The following ZNF365 variants were observed in gnomAD, a reference collection of about 807,000 sequenced individuals.
ZNF365 encodes the protein protein ZNF365.
ZNF365 carries 22 observed loss-of-function variants against 35.0 expected under a neutral mutation model. That is an observed-to-expected ratio of 0.63 (90% CI 0.45 to 0.90). The LOEUF is 0.90. ZNF365 is among the 40% of genes least tolerant of loss of function. The probability of loss-of-function intolerance (pLI) is 0.00; values close to 1 mark genes in which losing one functional copy is unlikely to be tolerated. For missense variants in ZNF365, 448 were observed against 500.3 expected (o/e 0.90, Z 1.00); for synonymous variants, 188 against 196.2 (o/e 0.96, Z 0.35).
At chr10:62,455,981 C>T (rs1000883463) in intron 3 of ZNF365, among the ~76,000 whole-genome samples, 2 of 152,128 alleles carry the variant, frequency 1.3e-5, no homozygotes, top group African/African-American at 4.8e-5. Flanking sequence ...TTGTTTGATT[C>T]ATTGACTTTA....
At chr10:62,452,655 T>G (rs1043332022) in intron 3 of ZNF365, among the ~76,000 whole-genome samples, 5 of 152,250 alleles carry the variant, frequency 3.3e-5, no homozygotes, top group African/African-American at 1.2e-4. Context: ...AGAAGGCAGT[T>G]TTGGCCTGAA....
intron 3 of ZNF365, among the ~76,000 whole-genome samples, chr10:62,416,137 G>A (rs1009101004): frequency 1.3e-5 from 2 of 151,698 alleles, no homozygotes; most frequent in Non-Finnish European, 2.9e-5. Flanking sequence ...CTATTTCTTA[G>A]ATTGCCCTCA....
chr10:62,377,840 A>G (rs12355770), intron 2 of ZNF365, among the ~76,000 whole-genome samples: 86,660 of 152,038 alleles, frequency 0.57, 26,049 homozygotes, highest in East Asian at 0.78. Flanking sequence ...AAACATCCTA[A>G]AAGGTAGGTT....
chr10:62,404,162 G>T (rs528291458), downstream of ZNF365, among the ~76,000 whole-genome samples: 27 of 152,238 alleles, frequency 1.8e-4, no homozygotes, highest in African/African-American at 6.5e-4. Flanking sequence ...TCACATATAG[G>T]CAGGCTAGAT....
intron 4 of ZNF365, among the ~76,000 whole-genome samples, chr10:62,479,022 ACATGTTTAATTT>A (rs1432825896): frequency 6.6e-6 from 1 of 152,232 alleles, no homozygotes; most frequent in East Asian, 1.9e-4. Context: ...GCCTCTCTAG[ACATGTTTAATTT>A]CTAGTACCTT....
intron 3 of ZNF365, among the ~76,000 whole-genome samples, chr10:62,422,768 A>C (rs541474142): frequency 6.6e-6 from 1 of 152,284 alleles, no homozygotes; most frequent in South Asian, 2.1e-4. Flanking sequence ...TATCTCATCC[A>C]CCAAACCTTA....
chr10:62,479,816 T>A (rs1270419647), intron 4 of ZNF365: 1 of 1,181,068 alleles, frequency 8.5e-7, no homozygotes, highest in Non-Finnish European at 1.3e-6. Context: ...TTGACTATTG[T>A]TGCTGGCACC....
chr10:62,398,778 G>A lies in ZNF365; in HGVS notation c.962+1G>A. ...CCTCAAATAGGAAGCCCAAATGCCTGTATGTATGTATTTTTATACTTGGGC... is the reference window on the plus strand; with the variant it reads ...CCTCAAATAGGAAGCCCAAATGCCTATATGTATGTATTTTTATACTTGGGC... On this transcript the variant is annotated splice_donor_variant, in intron 4 of 4. Transcript: ENST00000395254. LOFTEE classifies it high-confidence loss of function. 1 of 1,610,822 alleles carries A rather than the reference G, an allele frequency of 6.2e-7. No individual in the cohort carries two copies. The highest frequency in any genetic ancestry group is 8.5e-7 in the Non-Finnish European group (1 of 1,178,712).
At chr10:62,434,957 GACCCTCTGGATA>G (rs1213154108) in intron 3 of ZNF365, among the ~76,000 whole-genome samples, 7 of 152,148 alleles carry the variant, frequency 4.6e-5, no homozygotes, top group Non-Finnish European at 2.9e-5. Flanking sequence ...CACTGTTTCA[GACCCTCTGGATA>G]CAGCAATGAA....
Position 62,401,038 on chromosome 10 carries a change from C to T in ZNF365, c.*1249C>T, listed in dbSNP as rs527900966. ...AGAATGAATTTCCATGTTATTTTTT[C>T]CTTAAATTTAGCAATATCATCAGGT... On this transcript the variant is annotated 3_prime_UTR_variant, in exon 5 of 5. Transcript: ENST00000395254. The T allele has an allele frequency of 3.0e-5, 30 of 985,394 alleles. No individual in the cohort carries two copies. The South Asian group carries it at 1.3e-3, about 42-fold the overall frequency. 61.0% of individuals were successfully genotyped at this position (985,394 alleles called of 1,614,324 possible).
rs750454816 is a variant in ZNF365 at position 62,388,596 on chromosome 10, C to G, written c.924+20C>G. ...CACGTGGTGAGTCACCCCGGGCCAG[C>G]CACCGAGTGTAAGATCCCTGTGGTT... On this transcript the variant is annotated intron_variant, in intron 3 of 4. Transcript: ENST00000395254. 10 of 1,612,258 alleles carry G rather than the reference C, an allele frequency of 6.2e-6. No homozygotes were observed. Among genetic ancestry groups the G allele is most frequent in the South Asian group, 1.1e-5 (1 of 91,018 alleles).
chr10:62,474,381 A>G (rs1841093757), intron 4 of ZNF365, among the ~76,000 whole-genome samples: 1 of 151,904 alleles, frequency 6.6e-6, no homozygotes, highest in Admixed American at 6.6e-5. Flanking sequence ...TTACTTGTTT[A>G]TTCTGGTAAA....
chr10:62,390,855 TAGAG>T (rs1367981888), intron 3 of ZNF365, among the ~76,000 whole-genome samples: 6 of 152,036 alleles, frequency 3.9e-5, no homozygotes, highest in Non-Finnish European at 8.8e-5. Context: ...TCTAAACAGA[TAGAG>T]AAGAAGAGAA....
intron 3 of ZNF365, among the ~76,000 whole-genome samples, chr10:62,446,246 A>G (rs1564592859): frequency 6.6e-6 from 1 of 152,114 alleles, no homozygotes; most frequent in East Asian, 1.9e-4. Context: ...TGGGAAGACA[A>G]TTCCCTTTAG....
chr10:62,458,554 A>G (rs147038393), intron 3 of ZNF365, among the ~76,000 whole-genome samples: 6 of 152,034 alleles, frequency 3.9e-5, no homozygotes, highest in Non-Finnish European at 7.4e-5. Flanking sequence ...GTGCATGCAC[A>G]TGTGTTTTTT....
intron 3 of ZNF365, among the ~76,000 whole-genome samples, chr10:62,450,149 A>G (rs1840656327): frequency 6.6e-6 from 1 of 152,112 alleles, no homozygotes; most frequent in Non-Finnish European, 1.5e-5. Flanking sequence ...ATTGTCTTGT[A>G]TGACCTAATT....
Position 62,376,627 on chromosome 10 carries a change from G to A in ZNF365, c.434G>A (p.Gly145Asp). 6.2e-7 allele frequency: 1 copy of A among 1,614,148 alleles called. No individual in the cohort carries two copies. The highest frequency in any genetic ancestry group is 1.1e-5 in the South Asian group (1 of 91,086). ...HADSLDGTRS[G>D]PGLPTSDTKA... Reference sequence around the variant, plus strand: ...GACTCGCTGGATGGGACACGGTCGGGTCCTGGACTGCCCACCTCAGACACC... The same window carrying A: ...GACTCGCTGGATGGGACACGGTCGGATCCTGGACTGCCCACCTCAGACACC... Residue 145 changes from glycine to aspartate, a missense_variant, in exon 2 of 5, where the codon GGT (glycine) becomes GAT (aspartate). By Grantham distance (94) the Gly-to-Asp change is moderately conservative (BLOSUM62 -1). This residue lies in a region of ZNF365 where 362 missense variants were observed against 375.7 expected (regional missense o/e 0.96). Transcript: ENST00000395254.
intron 3 of ZNF365, chr10:62,459,609 T>G: frequency 1.9e-6 from 2 of 1,036,216 alleles, no homozygotes; most frequent in Non-Finnish European, 2.8e-6. Flanking sequence ...TTTCTGTTTC[T>G]AGCCTGGGAA....
At chr10:62,477,636 C>T (rs1589477509) in intron 4 of ZNF365, among the ~76,000 whole-genome samples, 1 of 152,166 alleles carries the variant, frequency 6.6e-6, no homozygotes, top group Non-Finnish European at 1.5e-5. Flanking sequence ...TTAGTGGCTT[C>T]CAACATCAAA....
Sources: gnomAD v4.1 joint callset for allele counts (sites outside exome capture counted in the v4.1 genomes callset) on GRCh38, gnomAD v4.1.1 for gene constraint, gnomAD v4.1.1 regional missense constraint, MANE v1.5 for transcripts, NCBI Gene and HGNC (gene_info 2026-07-23, HGNC 2026-07-21) for gene names.